PRDM16: variants seen among roughly 807,000 people sequenced by gnomAD.
The protein encoded by PRDM16 is PR/SET domain 16, also known as histone-lysine N-methyltransferase PRDM16.
PRDM16 carries 23 observed loss-of-function variants against 110.6 expected under a neutral mutation model. The ratio of observed to expected loss-of-function variants is 0.21; its 90% confidence interval spans 0.15 to 0.29. The LOEUF is 0.29. Ranked by LOEUF, PRDM16 falls within the 10% of genes least tolerant of loss-of-function variation. PRDM16 has a pLI of 1.00. For missense variants in PRDM16, 1,615 were observed against 1,794.3 expected (o/e 0.90, Z 1.81); for synonymous variants, 799 against 781.8 (o/e 1.02, Z -0.37).
intron 1 of PRDM16, among the ~76,000 whole-genome samples, chr1:3,144,404 C>A (rs1643606874): frequency 6.6e-6 from 1 of 152,250 alleles, no homozygotes; most frequent in Admixed American, 6.5e-5. Context: ...CCCTGACTCA[C>A]AGATCCCACA....
In PRDM16 at chr1:3,080,365, G is replaced by A. The variant is rs145581333; in HGVS notation, c.37+11069G>A. ...AATACAAATGGTGCCACGAAGCACC[G>A]GGGATTTACGGCCGACCCGCGCTTT... On this transcript the variant is annotated intron_variant, in intron 1 of 16. Coordinates refer to ENST00000270722, the MANE Select transcript of PRDM16 (RefSeq NM_022114.4). The surrounding 1 kb of genome is among the most constrained non-coding windows in gnomAD (Gnocchi z 5.2). 6.7e-4 allele frequency among the ~76,000 whole-genome samples: 102 copies of A among 152,312 alleles called. No individual in the cohort carries two copies. The highest frequency in any genetic ancestry group is 1.1e-3 in the Non-Finnish European group (75 of 68,026).
chr1:3,085,682 A>G (rs1167807507), intron 1 of PRDM16, among the ~76,000 whole-genome samples: 1 of 152,174 alleles, frequency 6.6e-6, no homozygotes, highest in Non-Finnish European at 1.5e-5. Context: ...CATCCTGCCC[A>G]TGTGTGTGTC....
At chr1:3,346,272 C>T (rs1420452837) in intron 3 of PRDM16, among the ~76,000 whole-genome samples, 3 of 152,214 alleles carry the variant, frequency 2.0e-5, no homozygotes, top group Admixed American at 6.5e-5. Context: ...TTCCCCAGGA[C>T]GTCTTGGAGG....
At chr1:3,084,536 C>T (rs896255477) in intron 1 of PRDM16, among the ~76,000 whole-genome samples, 4 of 152,152 alleles carry the variant, frequency 2.6e-5, no homozygotes, top group African/African-American at 9.7e-5. Flanking sequence ...CCCGATAAAG[C>T]GGCTGCTTGC....
intron 3 of PRDM16, among the ~76,000 whole-genome samples, chr1:3,377,478 T>G (rs1380443306): frequency 6.6e-6 from 1 of 152,134 alleles, no homozygotes; most frequent in African/African-American, 2.4e-5. Flanking sequence ...GCAAAAAATG[T>G]AAAGGTTAAG....
At chr1:3,366,381 G>A (rs768627058) in intron 3 of PRDM16, among the ~76,000 whole-genome samples, 5 of 152,208 alleles carry the variant, frequency 3.3e-5, no homozygotes, top group African/African-American at 4.8e-5. Flanking sequence ...GTGGACGGCC[G>A]TGTCCCCTGC....
At chr1:3,345,695 G>A (rs888224398) in intron 3 of PRDM16, among the ~76,000 whole-genome samples, 12 of 152,050 alleles carry the variant, frequency 7.9e-5, no homozygotes, top group Middle Eastern at 3.4e-3. Context: ...GCCACCCCTC[G>A]GGTCCTCCCA....
chr1:3,227,521 G>A (rs1639315202), intron 2 of PRDM16, among the ~76,000 whole-genome samples: 1 of 152,252 alleles, frequency 6.6e-6, no homozygotes, highest in South Asian at 2.1e-4. Context: ...CGGCGGGACC[G>A]TGACAGTCCA....
intron 1 of PRDM16, among the ~76,000 whole-genome samples, chr1:3,149,717 G>T (rs1251510575): frequency 1.3e-5 from 2 of 152,230 alleles, no homozygotes; most frequent in African/African-American, 4.8e-5. Flanking sequence ...TATTTCATCA[G>T]GAAGGAGCAC....
intron 3 of PRDM16, among the ~76,000 whole-genome samples, chr1:3,315,114 T>C (rs1436728825): frequency 2.0e-5 from 3 of 146,456 alleles, no homozygotes; most frequent in Non-Finnish European, 4.5e-5. Flanking sequence ...AGACACTTGC[T>C]ACCGCCTCTC....
intron 1 of PRDM16, among the ~76,000 whole-genome samples, chr1:3,183,349 A>C (rs1442589404): frequency 6.6e-6 from 1 of 152,230 alleles, no homozygotes; most frequent in Non-Finnish European, 1.5e-5. Flanking sequence ...GGGACCCCAG[A>C]GAGCGAGTGA....
chr1:3,116,589 G>T (rs111257317), intron 1 of PRDM16, among the ~76,000 whole-genome samples: 14 of 152,160 alleles, frequency 9.2e-5, no homozygotes, highest in South Asian at 2.1e-4. Context: ...CTCTCTCCCC[G>T]CCCGGGACAG....
In PRDM16 at chr1:3,223,103, C is replaced by CTTTTTT. The variant is rs1172383270; in HGVS notation, c.388-20964_388-20959dup. ...GCCTCCGCCGTGGCCAAAATCAAGG[C>CTTTTTT]TTTTTTTTTTTTTTTTTTTTTTTTT... On this transcript the variant is annotated intron_variant, in intron 2 of 16. Coordinates refer to ENST00000270722, the MANE Select transcript of PRDM16 (RefSeq NM_022114.4). 3.5e-3 allele frequency among the ~76,000 whole-genome samples: 261 copies of CTTTTTT among 74,006 alleles called. 20 individuals are homozygous for CTTTTTT. The highest frequency in any genetic ancestry group is 0.015 in the African/African-American group (208 of 14,062). The allele number at this position is 74,006 out of a possible 152,430, so 48.6% of individuals were successfully genotyped here.
chr1:3,354,038 C>T (rs542644720), intron 3 of PRDM16, among the ~76,000 whole-genome samples: 51 of 152,316 alleles, frequency 3.3e-4, no homozygotes, highest in Admixed American at 2.0e-3. Flanking sequence ...CCCATGGAAC[C>T]GGGTCCTGGT....
At chr1:3,297,460 CT>C (rs1641115277) in intron 3 of PRDM16, among the ~76,000 whole-genome samples, 1 of 151,974 alleles carries the variant, frequency 6.6e-6, no homozygotes, top group Non-Finnish European at 1.5e-5. Flanking sequence ...ATTTTTGTAT[CT>C]TTAGTAGAGA....
rs1003343231 is a variant in PRDM16 at position 3,074,688 on chromosome 1, C to G, written c.37+5392C>G. On this transcript the variant is annotated intron_variant, in intron 1 of 16. Coordinates refer to ENST00000270722, the MANE Select transcript of PRDM16 (RefSeq NM_022114.4). ...CTGGCCTGCACCCTCCACACTCCCTCGCTCACTGCCTTCATCCGGAGCAAA... is the reference window on the plus strand; with the variant it reads ...CTGGCCTGCACCCTCCACACTCCCTGGCTCACTGCCTTCATCCGGAGCAAA... 2.6e-5 allele frequency among the ~76,000 whole-genome samples: 4 copies of G among 152,320 alleles called. No homozygotes were observed. In the East Asian group the frequency reaches 5.8e-4, roughly 22 times the overall value.
intron 1 of PRDM16, among the ~76,000 whole-genome samples, chr1:3,072,214 A>C (rs929121720): frequency 6.6e-6 from 1 of 152,156 alleles, no homozygotes; most frequent in Admixed American, 6.5e-5. Flanking sequence ...GCTTAACAAA[A>C]GCTTATTGTT....
intron 8 of PRDM16, among the ~76,000 whole-genome samples, chr1:3,410,095 G>C (rs1430146759): frequency 1.4e-5 from 2 of 146,814 alleles, no homozygotes; most frequent in Admixed American, 6.8e-5. Context: ...AATGTGTGTG[G>C]TTGTGTGTGT....
chr1:3,161,047 T>A (rs984952991), intron 1 of PRDM16, among the ~76,000 whole-genome samples: 2 of 152,038 alleles, frequency 1.3e-5, no homozygotes, highest in Non-Finnish European at 2.9e-5. Context: ...CACCAAACCC[T>A]CAGGCAGGAG....
Sources: gnomAD v4.1 joint callset for allele counts (sites outside exome capture counted in the v4.1 genomes callset) on GRCh38, gnomAD v4.1.1 for gene constraint, Gnocchi (gnomAD v3.1) non-coding constraint, MANE v1.5 for transcripts, NCBI Gene and HGNC (gene_info 2026-07-23, HGNC 2026-07-21) for gene names.